Variants in DDX19B observed in about 807,000 individuals in gnomAD.
DDX19B encodes DEAD-box helicase 19B.
In DDX19B, 27 loss-of-function variants were observed where a neutral mutation model predicts 58.1. The observed-to-expected ratio is 0.46, with a 90% CI of 0.34 to 0.64. The LOEUF is 0.64. Among genes scored for constraint, DDX19B ranks in the 30% least tolerant of loss-of-function variants. The pLI, the probability that DDX19B is intolerant of heterozygous loss-of-function variation, is 0.01. For synonymous variants in DDX19B, 187 were observed against 214.4 expected (o/e 0.87, Z 1.12); for missense variants, 399 against 596.5 (o/e 0.67, Z 3.45).
rs185027717 is a variant in DDX19B, at chr16:70,333,641, C to T, written c.*59C>T. 1.1e-5 allele frequency: 18 copies of T among 1,612,946 alleles called. No homozygotes were observed. In the East Asian group the frequency reaches 2.5e-4, roughly 22 times the overall value. On this transcript the variant is annotated 3_prime_UTR_variant, in exon 12 of 12. Coordinates refer to ENST00000288071, the MANE Select transcript of DDX19B (RefSeq NM_007242.7). ...ACTGCCCCTGCACAGGAGACAAGTG[C>T]GTTCAGGGCACAGGCCCCGACATCA...
At chr16:70,290,454 G>T, upstream of DDX19B, among the ~76,000 whole-genome samples, 1 of 152,114 alleles carries the variant, frequency 6.6e-6, no homozygotes, top group East Asian at 1.9e-4. Context: ...TTGACCTCGG[G>T]AGGCGGAAGT....
chr16:70,304,061 GCGGAGTCTGGCTCTGT>G (rs1961614940), intron 1 of DDX19B, among the ~76,000 whole-genome samples: 3 of 149,670 alleles, frequency 2.0e-5, no homozygotes, highest in African/African-American at 7.4e-5. Context: ...TTTTTTTGAG[GCGGAGTCTGGCTCTGT>G]CTCCCAGGCT....
Position 70,314,882 on chromosome 16 carries a change from G to A in DDX19B, c.107-20G>A. The A allele has an allele frequency of 1.2e-6, 2 of 1,607,074 alleles. No homozygotes were observed. The highest frequency in any genetic ancestry group is 1.7e-6 in the Non-Finnish European group (2 of 1,175,396). ...GTATGGGATGCGATTTTGAATGATG[G>A]CCACTTTGTGTCTATAAAGGTGCTG... On this transcript the variant is annotated intron_variant, in intron 2 of 11. Coordinates refer to ENST00000288071, the MANE Select transcript of DDX19B (RefSeq NM_007242.7).
chr16:70,316,935 G>T (rs1248954226), intron 4 of DDX19B, among the ~76,000 whole-genome samples: 3 of 151,924 alleles, frequency 2.0e-5, no homozygotes, highest in Non-Finnish European at 4.4e-5. Context: ...GTCCAGGCAC[G>T]GTGGCTCACG....
Position 70,299,216 on chromosome 16 carries a change from T to C in DDX19B, c.-82T>C. ...CTTGTAGTGGGGCTGGAGCAGAGCC[T>C]GCCGCGAACCCCCGGAGCCCACGAT... On this transcript the variant is annotated 5_prime_UTR_variant, in exon 1 of 12. Coordinates refer to ENST00000288071, the MANE Select transcript of DDX19B (RefSeq NM_007242.7). 3 of 1,448,398 alleles carry C rather than the reference T, an allele frequency of 2.1e-6. No individual in the cohort carries two copies. Among genetic ancestry groups the C allele is most frequent in the Non-Finnish European group, 2.7e-6 (3 of 1,100,356 alleles). 89.7% of individuals were successfully genotyped at this position (1,448,398 alleles called of 1,614,324 possible). A position where few individuals can be genotyped will look rare whatever the true frequency, so the allele number is the denominator to read the frequency against.
upstream of DDX19B, among the ~76,000 whole-genome samples, chr16:70,293,700 T>C (rs1055428534): frequency 1.4e-5 from 2 of 144,270 alleles, no homozygotes; most frequent in African/African-American, 5.2e-5. Context: ...CAAGCTCCGC[T>C]TCCTGGGTTC....
At position 70,312,606 on chromosome 16, in the gene DDX19B, T is replaced by C; in HGVS notation, c.58-3T>C. 1.9e-6 allele frequency: 3 copies of C among 1,613,268 alleles called. No individual in the cohort carries two copies. The South Asian group carries it at 3.3e-5, about 18-fold the overall frequency. ...TTCCCCCTCCCCCATATTCTCCATTTAGTTGAGCAACTTGCATCTTAAGGA... is the reference window on the plus strand; with the variant it reads ...TTCCCCCTCCCCCATATTCTCCATTCAGTTGAGCAACTTGCATCTTAAGGA... On this transcript the variant is annotated splice_polypyrimidine_tract_variant and splice_region_variant and intron_variant, in intron 1 of 11. Coordinates refer to ENST00000288071, the MANE Select transcript of DDX19B (RefSeq NM_007242.7).
upstream of DDX19B, chr16:70,294,861 G>A (rs780946715): frequency 6.6e-6 from 10 of 1,523,890 alleles, no homozygotes; most frequent in Middle Eastern, 1.7e-4. Flanking sequence ...TGGGGCTGCC[G>A]GGCGCGTCCA....
chr16:70,295,746 T>C (rs1194283214), upstream of DDX19B, among the ~76,000 whole-genome samples: 1 of 152,074 alleles, frequency 6.6e-6, no homozygotes, highest in Non-Finnish European at 1.5e-5. Context: ...ACACCTGTAG[T>C]CCCAGCTACT....
intron 5 of DDX19B, among the ~76,000 whole-genome samples, chr16:70,324,097 T>C (rs973110256): frequency 6.6e-6 from 1 of 152,080 alleles, no homozygotes; most frequent in African/African-American, 2.4e-5. Context: ...GAGCAGATCA[T>C]GCAGGACCTG....
rs778716273 is a variant in DDX19B, at chr16:70,299,398, G to A, written c.57+44G>A. ...TAAAAGGGTCAGGGGACTAGTTCTG[G>A]TCGGAGACTTGGTCCCTGGGAAAGA... is the stretch of plus-strand genomic sequence containing the variant. On this transcript the variant is annotated intron_variant, in intron 1 of 11. Coordinates refer to ENST00000288071, the MANE Select transcript of DDX19B (RefSeq NM_007242.7). 20 of 1,552,938 alleles carry A rather than the reference G, an allele frequency of 1.3e-5. No homozygotes were observed. In the Middle Eastern group the frequency reaches 6.8e-4, roughly 53 times the overall value.
At chr16:70,317,436 T>C (rs1962492261) in intron 4 of DDX19B, 60 bp from the exon 5 acceptor site, 1 of 1,308,766 alleles carries the variant, frequency 7.6e-7, no homozygotes, top group Non-Finnish European at 1.1e-6. Flanking sequence ...ATCCTCCAGA[T>C]ATTTTGCTGC....
chr16:70,306,306 C>T (rs780536098), intron 1 of DDX19B, among the ~76,000 whole-genome samples: 14 of 152,086 alleles, frequency 9.2e-5, no homozygotes, highest in Non-Finnish European at 1.9e-4. Context: ...TGTGCACCAC[C>T]ACACCTGGCA....
chr16:70,304,444 C>A (rs1029892101), intron 1 of DDX19B, among the ~76,000 whole-genome samples: 1 of 150,950 alleles, frequency 6.6e-6, no homozygotes, highest in Non-Finnish European at 1.5e-5. Context: ...GTGATCTCAG[C>A]TCACTGCAAC....
upstream of DDX19B, among the ~76,000 whole-genome samples, chr16:70,296,266 G>T (rs576403427): frequency 6.6e-6 from 1 of 151,662 alleles, no homozygotes; most frequent in South Asian, 2.1e-4. Context: ...CTCCCAAACT[G>T]CTGGGATTAC....
chr16:70,317,324 T>G (rs531067081), intron 4 of DDX19B, 172 bp from the exon 5 acceptor site: 1 of 421,372 alleles, frequency 2.4e-6, no homozygotes. Context: ...GATGTTGCAG[T>G]GAGCCGAGAC....
intron 1 of DDX19B, among the ~76,000 whole-genome samples, chr16:70,304,636 G>A (rs1374290550): frequency 6.6e-6 from 1 of 152,052 alleles, no homozygotes; most frequent in Non-Finnish European, 1.5e-5. Flanking sequence ...GCCTCCCAAA[G>A]TGCTGGGATT....
chr16:70,314,206 T>TTTGCAAA (rs1024293752), intron 2 of DDX19B, among the ~76,000 whole-genome samples: 10 of 152,230 alleles, frequency 6.6e-5, no homozygotes, highest in African/African-American at 2.4e-4. Context: ...TGTGTTCACC[T>TTTGCAAA]ATTGATAAAA....
At chr16:70,302,718 G>A (rs191223329) in intron 1 of DDX19B, among the ~76,000 whole-genome samples, 17 of 152,300 alleles carry the variant, frequency 1.1e-4, no homozygotes, top group Non-Finnish European at 1.5e-4. Flanking sequence ...ACAGATTTTT[G>A]TATGGACATA....
Sources: gnomAD v4.1 joint callset for allele counts (sites outside exome capture counted in the v4.1 genomes callset) on GRCh38, gnomAD v4.1.1 for gene constraint, MANE v1.5 for transcripts, NCBI Gene and HGNC (gene_info 2026-07-23, HGNC 2026-07-21) for gene names.